NPLOC4: variants seen among roughly 807,000 people sequenced by gnomAD.
NPLOC4 encodes the protein nuclear protein localization protein 4 homolog.
NPLOC4 carries 18 observed loss-of-function variants against 80.6 expected under a neutral mutation model. That is an observed-to-expected ratio of 0.22 (90% CI 0.15 to 0.33). The LOEUF is 0.33. Among genes scored for constraint, NPLOC4 ranks in the 10% least tolerant of loss-of-function variants. NPLOC4 has a pLI of 1.00. For synonymous variants in NPLOC4, 313 were observed against 301.5 expected, an observed-to-expected ratio of 1.04 and a Z score of -0.39; for missense variants, 540 against 786.1, an observed-to-expected ratio of 0.69 and a Z score of 3.74.
At chr17:81,630,472 C>T (rs1024016453) in intron 1 of NPLOC4, among the ~76,000 whole-genome samples, 12 of 151,820 alleles carry the variant, frequency 7.9e-5, no homozygotes, top group African/African-American at 1.9e-4. Flanking sequence ...TTTGTAGTGA[C>T]GGAGTGTCAT....
chr17:81,604,597 A>G lies in NPLOC4; in HGVS notation c.785T>C (p.Ile262Thr). 1 of 1,613,660 alleles carries G rather than the reference A, an allele frequency of 6.2e-7. No individual in the cohort carries two copies. The highest frequency in any genetic ancestry group is 8.5e-7 in the Non-Finnish European group (1 of 1,179,750). ...CACTTCAGCCCTGATGCCAAGGGGA[A>G]TGTCTTTGTGCTCCGTGTACCGTCC... ...LYGRYTEHKDIPLGIRAEVAA... is the reference protein window; with the variant it reads ...LYGRYTEHKDTPLGIRAEVAA... Residue 262 changes from isoleucine to threonine, a missense_variant, in exon 8 of 17, where the codon ATT becomes ACT. By Grantham distance (89) the Ile-to-Thr change is moderately conservative (BLOSUM62 -1). Coordinates refer to ENST00000331134, the MANE Select transcript of NPLOC4 (RefSeq NM_017921.4).
At position 81,582,976 on chromosome 17, in the gene NPLOC4, C is replaced by T. The variant is rs375745772; in HGVS notation, c.1281+5968G>A. Among the ~76,000 whole-genome samples the T allele has an allele frequency of 5.9e-5, 9 of 152,404 alleles. No individual in the cohort carries two copies. The East Asian group carries it at 1.5e-3, about 26-fold the overall frequency. On this transcript the variant is annotated intron_variant, in intron 12 of 16. Transcript: ENST00000331134. ...TCCCGGCCAGGGCCAGGCCTCCTCC[C>T]TGCGGCGCCGCCCCTGCGCACTCAC...
At chr17:81,594,798 T>C (rs2034852176) in intron 11 of NPLOC4, among the ~76,000 whole-genome samples, 1 of 151,626 alleles carries the variant, frequency 6.6e-6, no homozygotes, top group South Asian at 2.1e-4. Context: ...AATTAAAAAT[T>C]AACTGGGCGT....
chr17:81,571,172 G>A (rs903668263), intron 13 of NPLOC4, among the ~76,000 whole-genome samples: 16 of 152,126 alleles, frequency 1.1e-4, no homozygotes, highest in Admixed American at 6.5e-4. Context: ...CTGCTGTTCC[G>A]AATGCAATGA....
At position 81,569,036 on chromosome 17, in the gene NPLOC4, C is replaced by G. The variant is rs578188683; in HGVS notation, c.1429G>C (p.Asp477His). 2.4e-4 allele frequency: 392 copies of G among 1,610,094 alleles called. 4 individuals carry two copies. The Middle Eastern group carries it at 3.3e-3, about 14-fold the overall frequency. Residue 477 changes from aspartate (D) to histidine (H), a missense_variant, in exon 14 of 17, where the codon GAT becomes CAT. Around this residue, in one of 6 missense-constraint regions of NPLOC4, gnomAD observed 251 missense variants for 377.5 expected, o/e 0.66. Transcript: ENST00000331134. ...CTCACCTGTGTCTCACCCAATACAT[C>G]CCGGTTTTCAATAGGAAATGGATTT... is the stretch of plus-strand genomic sequence containing the variant. ...SQNPFPIENR[D>H]VLGETQDFHS... is the part of the protein sequence containing the mutation.
At chr17:81,600,571 C>G in intron 8 of NPLOC4, 144 bp from the exon 9 acceptor site, 1 of 639,232 alleles carries the variant, frequency 1.6e-6, no homozygotes. Flanking sequence ...ACAGATAAAA[C>G]ACATGCGACA....
At chr17:81,576,818 G>A (rs1568125983) in intron 12 of NPLOC4, among the ~76,000 whole-genome samples, 1 of 152,162 alleles carries the variant, frequency 6.6e-6, no homozygotes, top group Admixed American at 6.5e-5. Context: ...CACAGAGAGC[G>A]GGGTCCTGGG....
chr17:81,590,614 G>A (rs1309727608), intron 11 of NPLOC4, among the ~76,000 whole-genome samples: 1 of 152,134 alleles, frequency 6.6e-6, no homozygotes, highest in African/African-American at 2.4e-5. Flanking sequence ...CCAAAGAGCT[G>A]GAATTACAGG....
At chr17:81,604,183 A>G (rs1041672129) in intron 8 of NPLOC4, among the ~76,000 whole-genome samples, 1 of 152,130 alleles carries the variant, frequency 6.6e-6, no homozygotes, top group South Asian at 2.1e-4. Flanking sequence ...GGCCTTCTCC[A>G]TGGTTCCTAA....
Position 81,558,958 on chromosome 17 carries a change from T to C in NPLOC4, c.*301A>G. ...GTGCGCCCCAATTCCAGGTGCCACG[T>C]AGAGGCGAGAGGTCTTTCCAACACG... On this transcript the variant is annotated 3_prime_UTR_variant, in exon 17 of 17. Coordinates refer to ENST00000331134, the MANE Select transcript of NPLOC4 (RefSeq NM_017921.4). 1 of 284,132 alleles carries C rather than the reference T, an allele frequency of 3.5e-6. No individual in the cohort carries two copies. Among genetic ancestry groups the C allele is most frequent in the East Asian group, 6.4e-5 (1 of 15,550 alleles). 17.6% of individuals were successfully genotyped at this position (284,132 alleles called of 1,614,324 possible). A position where few individuals can be genotyped will look rare whatever the true frequency, so the allele number is the denominator to read the frequency against.
At position 81,604,587 on chromosome 17, in the gene NPLOC4, G is replaced by A; in HGVS notation, c.795C>T (p.Gly265=). Residue 265 remains glycine, a synonymous_variant, in exon 8 of 17, where the codon GGC becomes GGT. Transcript: ENST00000331134. ...AAATCGCAGCCACTTCAGCCCTGAT[G>A]CCAAGGGGAATGTCTTTGTGCTCCG... ...RYTEHKDIPL[G]IRAEVAAIYE... is the part of the protein sequence containing the mutation. The A allele has an allele frequency of 6.2e-7, 1 of 1,613,666 alleles. No individual in the cohort carries two copies. Among genetic ancestry groups the A allele is most frequent in the Non-Finnish European group, 8.5e-7 (1 of 1,179,752 alleles).
At chr17:81,559,666 G>A (rs1475131907) in intron 16 of NPLOC4, among the ~76,000 whole-genome samples, 1 of 152,064 alleles carries the variant, frequency 6.6e-6, no homozygotes, top group Non-Finnish European at 1.5e-5. Context: ...TTGTTGCAGA[G>A]GGTGCTTCTC....
chr17:81,615,096 G>A (rs865900283), intron 3 of NPLOC4, among the ~76,000 whole-genome samples: 1 of 81,202 alleles, frequency 1.2e-5, no homozygotes, highest in Admixed American at 1.5e-4. Flanking sequence ...AGAGACGTCT[G>A]TTTCTTTTTT....
At chr17:81,560,630 C>T (rs376896529) in intron 16 of NPLOC4, 14 of 152,484 alleles carry the variant, frequency 9.2e-5, no homozygotes, top group African/African-American at 3.4e-4. Context: ...TGGCGTGAAC[C>T]TGGGAGGCGG....
intron 12 of NPLOC4, among the ~76,000 whole-genome samples, chr17:81,583,047 C>T (rs570117068): frequency 3.3e-5 from 5 of 152,402 alleles, no homozygotes; most frequent in East Asian, 3.9e-4. Context: ...TGCCACGTGA[C>T]GCAGAGTGTG....
intron 1 of NPLOC4, among the ~76,000 whole-genome samples, chr17:81,635,357 T>TAAAAAAAA (rs10627051): frequency 7.9e-5 from 10 of 126,636 alleles, no homozygotes; most frequent in African/African-American, 2.7e-4. Context: ...AAAATAAGGT[T>TAAAAAAAA]AAAAAAAAAA....
intron 5 of NPLOC4, 180 bp from the exon 6 acceptor site, chr17:81,609,002 T>A (rs2035276535): frequency 2.0e-6 from 1 of 501,494 alleles, no homozygotes; most frequent in African/African-American, 2.0e-5. Context: ...TTTCTTTTTT[T>A]AATTAATTGT....
At chr17:81,599,285 CAA>C (rs10534151) in intron 9 of NPLOC4, among the ~76,000 whole-genome samples, 32,659 of 141,404 alleles carry the variant, frequency 0.23, 3,886 homozygotes, top group African/African-American at 0.32. Flanking sequence ...CAAGACTCCT[CAA>C]AAAAAAAAAA....
chr17:81,627,652 C>T (rs2035830098), intron 2 of NPLOC4, among the ~76,000 whole-genome samples: 1 of 152,032 alleles, frequency 6.6e-6, no homozygotes, highest in Admixed American at 6.6e-5. Flanking sequence ...GGCAGAATTG[C>T]TTGAACCCGG....
Sources: allele counts gnomAD v4.1 joint callset (sites outside exome capture counted in the v4.1 genomes callset), GRCh38; gene constraint gnomAD v4.1.1; regional missense constraint gnomAD v4.1.1; transcripts MANE v1.5; gene names NCBI Gene and HGNC (gene_info 2026-07-23, HGNC 2026-07-21).